Variants in RABL2B observed in about 807,000 individuals in gnomAD.
The protein encoded by RABL2B is rab-like protein 2B.
RABL2B carries 17 observed loss-of-function variants against 26.7 expected under a neutral mutation model. The ratio of observed to expected loss-of-function variants is 0.64; its 90% CI spans 0.44 to 0.95. The LOEUF (loss-of-function observed/expected upper bound fraction) is 0.95. Ranked by LOEUF, RABL2B falls within the 40% of genes least tolerant of loss-of-function variation. The probability of loss-of-function intolerance (pLI) is 0.00; values close to 1 mark genes in which losing one functional copy is unlikely to be tolerated. For synonymous variants in RABL2B, 70 were observed against 103.9 expected, an observed-to-expected ratio of 0.67 and a Z score of 1.99; for missense variants, 170 against 277.2, an observed-to-expected ratio of 0.61 and a Z score of 2.75.
intron 5 of RABL2B, chr22:50,773,001 G>T: frequency 7.8e-7 from 1 of 1,284,026 alleles, no homozygotes; most frequent in Non-Finnish European, 1.0e-6. Context: ...ACTGGGGCTG[G>T]TGGCAGGCAC....
intron 5 of RABL2B, among the ~76,000 whole-genome samples, chr22:50,773,625 T>C (rs1369864311): frequency 6.6e-6 from 1 of 151,042 alleles, no homozygotes; most frequent in African/African-American, 2.5e-5. Context: ...GCCTGAAAAA[T>C]GAGCAGAGTT....
chr22:50,777,508 A>C (rs1405267497), intron 3 of RABL2B, among the ~76,000 whole-genome samples: 1 of 139,914 alleles, frequency 7.1e-6, no homozygotes, highest in Non-Finnish European at 1.5e-5. Flanking sequence ...AACCTATGTA[A>C]TATAACAATT....
rs1555923317 is a variant in RABL2B, at chr22:50,775,833, C to A, written c.236G>T (p.Gly79Val). Residue 79 changes from glycine (G) to valine (V), a missense_variant, in exon 5 of 9, where the codon GGC becomes GTC. Transcript: ENST00000691320. The stretch of plus-strand genomic sequence containing the variant: ...ATGCATGCTCTGGAACCGCTCCTGG[C>A]CTGCCGTGTCCCAAAAGTCTGCAAT... The part of the protein sequence containing the change: ...TILVDFWDTA[G>V]QERFQSMHAS... 4 of 1,614,206 alleles carry A rather than the reference C, an allele frequency of 2.5e-6. No homozygotes were observed. In the East Asian group the frequency reaches 8.9e-5, roughly 36 times the overall value.
Position 50,769,512 on chromosome 22 carries a change from C to G in RABL2B, c.450G>C (p.Lys150Asn). 1.9e-6 allele frequency: 3 copies of G among 1,612,768 alleles called. No individual in the cohort carries two copies. The African/African-American group carries it at 4.0e-5, about 22-fold the overall frequency. Reference sequence around the variant, plus strand: ...CGAAATACAGGGGCAGGGAGAACTTCTTGGCAAAATTGAAGCTTTTTTGGG... The same window carrying G: ...CGAAATACAGGGGCAGGGAGAACTTGTTGGCAAAATTGAAGCTTTTTTGGG... The part of the protein sequence containing the change: ...NVTQKSFNFA[K>N]KFSLPLYFVS... Residue 150 changes from lysine (K) to asparagine (N), a missense_variant, in exon 7 of 9, where the codon AAG becomes AAC. By Grantham distance (94) the Lys-to-Asn change is moderately conservative. Transcript: ENST00000691320.
chr22:50,773,552 A>G (rs2747991), intron 5 of RABL2B, among the ~76,000 whole-genome samples: 16,123 of 148,912 alleles, frequency 0.11, 1,421 homozygotes, highest in African/African-American at 0.26. Context: ...AGCACACACG[A>G]AAGAGCTAAG....
chr22:50,774,624 C>T (rs1378534210), intron 5 of RABL2B, among the ~76,000 whole-genome samples: 39 of 149,354 alleles, frequency 2.6e-4, no homozygotes, highest in African/African-American at 9.0e-4. Context: ...TGTTTTGTAC[C>T]GCCAAGTTTT....
chr22:50,775,736 C>A, intron 5 of RABL2B, 36 bp downstream of exon 5: 1 of 1,613,442 alleles, frequency 6.2e-7, no homozygotes, highest in Non-Finnish European at 8.5e-7. Context: ...GCCAGACTTG[C>A]CCAGTGCCTT....
chr22:50,777,366 A>T (rs1344220706), intron 3 of RABL2B, among the ~76,000 whole-genome samples: 2 of 149,466 alleles, frequency 1.3e-5, no homozygotes, highest in Non-Finnish European at 3.0e-5. Flanking sequence ...TCTTAAGGCA[A>T]CTGAGCCTTG....
chr22:50,768,800 C>A lies in RABL2B; in HGVS notation c.666G>T (p.Glu222Asp), dbSNP rs1555915831. The change falls in exon 9 of 9, where the codon GAG becomes GAT. Residue 222 changes from glutamate (E) to aspartate (D), a missense_variant. Around this residue, in one of 2 missense-constraint regions of RABL2B, gnomAD observed 165 missense variants for 232.0 expected, o/e 0.71. Transcript: ENST00000691320. ...EQSSSIETPS[E>D]EAASPHS ...CTCAGCTGTGGGGAGAGGCCGCCTC[C>A]TCTGATGGGGTCTCGATGCTGCTGC... The A allele has an allele frequency of 2.5e-6, 4 of 1,613,872 alleles. No homozygotes were observed. The South Asian group carries it at 4.4e-5, about 18-fold the overall frequency.
chr22:50,777,766 C>T, intron 3 of RABL2B, 186 bp downstream of exon 3: 1 of 784,154 alleles, frequency 1.3e-6, no homozygotes, highest in Non-Finnish European at 2.2e-6. Context: ...CCAAAATATA[C>T]AGCACTGATT....
chr22:50,781,360 A>C (rs1374753289), intron 2 of RABL2B, among the ~76,000 whole-genome samples: 7 of 150,966 alleles, frequency 4.6e-5, no homozygotes, highest in East Asian at 1.9e-4. Context: ...AAAAAAAAAA[A>C]AACTAAACCA....
At chr22:50,770,773 A>T in intron 5 of RABL2B, among the ~76,000 whole-genome samples, 1 of 152,012 alleles carries the variant, frequency 6.6e-6, no homozygotes, top group Non-Finnish European at 1.5e-5. Context: ...CTTTTTAGAG[A>T]CAGGGTTTCA....
At chr22:50,778,757 AC>A (rs1357648780) in intron 2 of RABL2B, among the ~76,000 whole-genome samples, 1 of 143,222 alleles carries the variant, frequency 7.0e-6, no homozygotes, top group Non-Finnish European at 1.5e-5. Context: ...ACCCAATGTT[AC>A]CTTTACAACT....
chr22:50,775,022 AC>A (rs1163878519), intron 5 of RABL2B, among the ~76,000 whole-genome samples: 138 of 152,082 alleles, frequency 9.1e-4, no homozygotes, highest in African/African-American at 3.2e-3. Context: ...CAGGTGATCC[AC>A]CCATCTTGGC....
chr22:50,780,896 ACCTG>A (rs1386314451), intron 2 of RABL2B, among the ~76,000 whole-genome samples: 2 of 152,176 alleles, frequency 1.3e-5, no homozygotes, highest in African/African-American at 4.8e-5. Flanking sequence ...TTTGCTTTAC[ACCTG>A]CCTGCCATTT....
intron 5 of RABL2B, chr22:50,772,323 C>G: frequency 1.0e-6 from 1 of 985,370 alleles, no homozygotes; most frequent in South Asian, 4.7e-5. Flanking sequence ...GTCACCGCGC[C>G]CAGCCTGTTT....
rs1338504237 is a variant in RABL2B, at chr22:50,782,471, A to G, written c.-53-124T>C. ...ACTGAGATATGGTATGCAATTGACT[A>G]CTAGACTTGGAGTAGCAGAGTATGA... On this transcript the variant is annotated intron_variant, in intron 1 of 8. Coordinates refer to ENST00000691320, the MANE Select transcript of RABL2B (RefSeq NM_001130919.3). 26 of 1,454,706 alleles carry G rather than the reference A, an allele frequency of 1.8e-5. No individual in the cohort carries two copies. In the Admixed American group the frequency reaches 5.4e-4, roughly 30 times the overall value. The allele number at this position is 1,454,706 out of a possible 1,614,324, so 90.1% of individuals were successfully genotyped here.
rs149505245 is a variant in RABL2B, at chr22:50,769,955, C to T, written c.359G>A (p.Arg120Gln). The T allele has an allele frequency of 8.5e-5, 137 of 1,613,634 alleles. No individual in the cohort carries two copies. In the East Asian group the frequency reaches 2.5e-3, roughly 30 times the overall value. Residue 120 changes from arginine (R) to glutamine (Q), a missense_variant, in exon 6 of 9, where the codon CGG becomes CAG. Coordinates refer to ENST00000691320, the MANE Select transcript of RABL2B (RefSeq NM_001130919.3). ...RNLSTWYTEL[R>Q]EFRPEIPCIV... ...GCATGGGATCTCTGGCCTGAACTCC[C>T]GAAGCTCTGTATACCAGGTGCTCAG...
At chr22:50,777,875 T>C in intron 3 of RABL2B, 77 bp downstream of exon 3, 2 of 1,608,044 alleles carry the variant, frequency 1.2e-6, no homozygotes, top group Non-Finnish European at 1.7e-6. Context: ...GGTACAAAGG[T>C]GTGGGCAGTG....
Sources: gnomAD v4.1 joint callset for allele counts (sites outside exome capture counted in the v4.1 genomes callset) on GRCh38, gnomAD v4.1.1 for gene constraint, gnomAD v4.1.1 regional missense constraint, MANE v1.5 for transcripts, NCBI Gene and HGNC (gene_info 2026-07-23, HGNC 2026-07-21) for gene names.